Variants in MAST4 observed in about 807,000 individuals in gnomAD.
The protein encoded by MAST4 is microtubule associated serine/threonine kinase family member 4, also known as microtubule-associated serine/threonine-protein kinase 4.
MAST4 carries 89 observed loss-of-function variants against 162.7 expected under a neutral mutation model. The observed-to-expected ratio is 0.55, with a 90% confidence interval of 0.46 to 0.65. The LOEUF (loss-of-function observed/expected upper bound fraction) is 0.65, where lower values mean the gene tolerates loss of function less well. MAST4 is among the 30% of genes least tolerant of loss of function. The pLI is 0.00. For synonymous variants in MAST4, 1,479 were observed against 1,361.1 expected, an observed-to-expected ratio of 1.09 and a Z score of -1.91; for missense variants, 3,153 against 3,374.0, an observed-to-expected ratio of 0.93 and a Z score of 1.62.
rs190361907 is a variant in MAST4, at chr5:66,920,527, A to G, written c.674+20545A>G. On this transcript the variant is annotated intron_variant, in intron 4 of 28. Coordinates refer to ENST00000403625, the MANE Select transcript of MAST4 (RefSeq NM_001164664.2). ...GTGTTATTAATATGTTTCTCTTATA[A>G]TACCTACACTGAAACATTGAATGTG... is the stretch of plus-strand genomic sequence containing the variant. 2.5e-3 allele frequency among the ~76,000 whole-genome samples: 388 copies of G among 152,238 alleles called. 4 individuals carry two copies. The highest frequency in any genetic ancestry group is 9.1e-3 in the African/African-American group (376 of 41,542).
intron 3 of MAST4, among the ~76,000 whole-genome samples, chr5:66,893,211 ATGT>A (rs1386273647): frequency 6.6e-6 from 1 of 150,966 alleles, no homozygotes; most frequent in Non-Finnish European, 1.5e-5. Context: ...TTTGTTTTTG[ATGT>A]TGTTTTTTTA....
intron 5 of MAST4, among the ~76,000 whole-genome samples, chr5:67,076,375 T>C (rs1242687476): frequency 6.6e-6 from 1 of 152,222 alleles, no homozygotes; most frequent in African/African-American, 2.4e-5. Flanking sequence ...TGAACCTTTC[T>C]CCTGAACACA....
intron 1 of MAST4, among the ~76,000 whole-genome samples, chr5:66,748,522 C>T (rs1187185712): frequency 6.8e-6 from 1 of 146,766 alleles, no homozygotes; most frequent in Non-Finnish European, 1.5e-5. Context: ...TGGAGTCTCA[C>T]TCTGTCGCCA....
chr5:67,113,754 T>A (rs1419821102), intron 11 of MAST4, among the ~76,000 whole-genome samples: 3 of 152,222 alleles, frequency 2.0e-5, no homozygotes, highest in African/African-American at 7.2e-5. Context: ...TTTACAACTT[T>A]GCTAGAAAGG....
At chr5:66,748,348 T>A (rs1752894521) in intron 1 of MAST4, among the ~76,000 whole-genome samples, 1 of 150,738 alleles carries the variant, frequency 6.6e-6, no homozygotes, top group Non-Finnish European at 1.5e-5. Context: ...TTTACTTGTT[T>A]ATAAGAACAG....
chr5:67,064,789 A>C (rs539694620), intron 5 of MAST4, among the ~76,000 whole-genome samples: 173 of 152,190 alleles, frequency 1.1e-3, no homozygotes, highest in Non-Finnish European at 2.1e-3. Flanking sequence ...GAAAATCGAC[A>C]TTGGGAATTC....
intron 5 of MAST4, among the ~76,000 whole-genome samples, chr5:67,064,403 T>G (rs1020439711): frequency 6.6e-6 from 1 of 152,080 alleles, no homozygotes; most frequent in Non-Finnish European, 1.5e-5. Context: ...AATAATTGTT[T>G]ATAGATAAAT....
chr5:66,838,255 T>G (rs1758168338), intron 3 of MAST4, among the ~76,000 whole-genome samples: 5 of 152,158 alleles, frequency 3.3e-5, no homozygotes, highest in African/African-American at 1.2e-4. Flanking sequence ...TTTGGAAACC[T>G]TTATCTTAGA....
At chr5:66,936,679 A>G (rs1742784382) in intron 4 of MAST4, among the ~76,000 whole-genome samples, 1 of 152,194 alleles carries the variant, frequency 6.6e-6, no homozygotes, top group Non-Finnish European at 1.5e-5. Context: ...TGCAGGTCAC[A>G]GGGGATATGA....
At chr5:66,897,301 G>T (rs191110109) in intron 3 of MAST4, among the ~76,000 whole-genome samples, 12 of 152,214 alleles carry the variant, frequency 7.9e-5, no homozygotes, top group African/African-American at 2.9e-4. Flanking sequence ...CTAAGTATGT[G>T]TTAGTGACCT....
intron 1 of MAST4, among the ~76,000 whole-genome samples, chr5:66,718,270 T>G (rs1305859024): frequency 6.6e-6 from 1 of 152,070 alleles, no homozygotes; most frequent in African/African-American, 2.4e-5. Context: ...TTTTTGTTTT[T>G]TTGTTTTCAA....
At chr5:67,147,702 A>C (rs1189381271) in intron 23 of MAST4, among the ~76,000 whole-genome samples, 1 of 152,246 alleles carries the variant, frequency 6.6e-6, no homozygotes, top group African/African-American at 2.4e-5. Context: ...CTCAATGGGA[A>C]GCTTAAGTTT....
chr5:66,713,940 C>T (rs1417604625), intron 1 of MAST4, among the ~76,000 whole-genome samples: 1 of 152,180 alleles, frequency 6.6e-6, no homozygotes, highest in Non-Finnish European at 1.5e-5. Context: ...CTGATACTCT[C>T]ATAAATACCT....
intron 4 of MAST4, among the ~76,000 whole-genome samples, chr5:67,038,103 C>T (rs1405022904): frequency 6.6e-6 from 1 of 152,092 alleles, no homozygotes; most frequent in Non-Finnish European, 1.5e-5. Context: ...CTTTCCACAG[C>T]ATTTATTTCA....
At chr5:66,795,239 A>G (rs576563755) in intron 3 of MAST4, among the ~76,000 whole-genome samples, 3 of 152,376 alleles carry the variant, frequency 2.0e-5, no homozygotes, top group East Asian at 3.9e-4. Context: ...CTCTATTGCC[A>G]TTATGACTCA....
intron 3 of MAST4, among the ~76,000 whole-genome samples, chr5:66,799,242 A>G (rs897009771): frequency 1.2e-4 from 18 of 152,300 alleles, no homozygotes; most frequent in African/African-American, 4.1e-4. Flanking sequence ...CTGCCTGGAC[A>G]ATACCTGTCT....
chr5:67,089,299 G>T (rs1035055042), intron 5 of MAST4, among the ~76,000 whole-genome samples: 2 of 152,136 alleles, frequency 1.3e-5, no homozygotes, highest in Non-Finnish European at 2.9e-5. Context: ...ACTTGCCCTC[G>T]CCAGCTGCTG....
At chr5:66,976,267 T>C (rs1300852381) in intron 4 of MAST4, among the ~76,000 whole-genome samples, 1 of 152,236 alleles carries the variant, frequency 6.6e-6, no homozygotes, top group Non-Finnish European at 1.5e-5. Flanking sequence ...CGCACTCAGA[T>C]AGGCTCACTC....
At chr5:66,879,357 CACACATAT>C (rs771921057) in intron 3 of MAST4, among the ~76,000 whole-genome samples, 26 of 40,296 alleles carry the variant, frequency 6.5e-4, no homozygotes, top group Admixed American at 4.5e-3. Flanking sequence ...CACACACACA[CACACATAT>C]ATATATATAT....
Sources: allele counts gnomAD v4.1 joint callset (sites outside exome capture counted in the v4.1 genomes callset), GRCh38; gene constraint gnomAD v4.1.1; transcripts MANE v1.5; gene names NCBI Gene and HGNC (gene_info 2026-07-23, HGNC 2026-07-21).